The following COMMD10 variants were observed in gnomAD, a reference collection of about 807,000 sequenced individuals.
COMMD10 encodes the protein COMM domain-containing protein 10.
A neutral mutation model predicts 28.9 loss-of-function variants in COMMD10; 33 were observed. The observed-to-expected ratio is 1.14, with a 90% CI of 0.87 to 1.53. The LOEUF is 1.53. Among genes scored for constraint, COMMD10 ranks in the 40% most tolerant of loss-of-function variants. The pLI is 0.00. For synonymous variants in COMMD10, 110 were observed against 81.7 expected, an observed-to-expected ratio of 1.35 and a Z score of -1.87; for missense variants, 310 against 233.4, an observed-to-expected ratio of 1.33 and a Z score of -2.14.
intron 4 of COMMD10, among the ~76,000 whole-genome samples, chr5:116,126,524 ATAC>A (rs1751647907): frequency 6.6e-6 from 1 of 152,010 alleles, no homozygotes; most frequent in Non-Finnish European, 1.5e-5. Context: ...ACTTCAAACT[ATAC>A]TACAAGGCTA....
intron 5 of COMMD10, among the ~76,000 whole-genome samples, chr5:116,153,577 T>C (rs1474704555): frequency 6.6e-6 from 1 of 152,102 alleles, no homozygotes; most frequent in African/African-American, 2.4e-5. Flanking sequence ...CCAGGTATTG[T>C]TCTGTGGGCT....
intron 5 of COMMD10, among the ~76,000 whole-genome samples, chr5:116,158,026 T>G (rs1752779327): frequency 6.6e-6 from 1 of 151,842 alleles, no homozygotes; most frequent in Admixed American, 6.6e-5. Context: ...TGTTACCTTT[T>G]GGGCTGCCAT....
At chr5:116,231,342 A>G (rs570256481) in intron 5 of COMMD10, among the ~76,000 whole-genome samples, 3 of 152,316 alleles carry the variant, frequency 2.0e-5, no homozygotes, top group South Asian at 2.1e-4. Flanking sequence ...GACTGATTCT[A>G]TTTATAAAAG....
intron 2 of COMMD10, among the ~76,000 whole-genome samples, chr5:116,089,136 G>A (rs1284699212): frequency 6.6e-6 from 1 of 152,204 alleles, no homozygotes; most frequent in Admixed American, 6.5e-5. Context: ...TGTTCATAAA[G>A]TTACATTGGC....
intron 5 of COMMD10, among the ~76,000 whole-genome samples, chr5:116,193,037 C>A (rs1038667278): frequency 6.6e-6 from 1 of 152,168 alleles, no homozygotes; most frequent in Non-Finnish European, 1.5e-5. Context: ...AATTATCAGC[C>A]AAGAATTTTG....
chr5:116,279,378 T>C (rs1751008159), intron 5 of COMMD10, among the ~76,000 whole-genome samples: 1 of 151,912 alleles, frequency 6.6e-6, no homozygotes, highest in Admixed American at 6.6e-5. Flanking sequence ...ACTGGGAAAA[T>C]GCCTTTTGTT....
intron 5 of COMMD10, among the ~76,000 whole-genome samples, chr5:116,280,937 C>G (rs1022224135): frequency 6.6e-6 from 1 of 151,764 alleles, no homozygotes; most frequent in Non-Finnish European, 1.5e-5. Context: ...ATTTCTGTAA[C>G]TAAGAAGAAA....
chr5:116,147,896 A>C (rs1752397531), intron 5 of COMMD10, among the ~76,000 whole-genome samples: 1 of 151,854 alleles, frequency 6.6e-6, no homozygotes, highest in South Asian at 2.1e-4. Context: ...TGTCCATTGT[A>C]AACTAGTTGT....
At chr5:116,182,244 G>A (rs1297414724) in intron 5 of COMMD10, among the ~76,000 whole-genome samples, 1 of 152,006 alleles carries the variant, frequency 6.6e-6, no homozygotes, top group Non-Finnish European at 1.5e-5. Context: ...TTTACTCTAA[G>A]AACTGATAGT....
chr5:116,085,300 T>C (rs1194883067), intron 1 of COMMD10: 1 of 573,468 alleles, frequency 1.7e-6, no homozygotes, highest in Non-Finnish European at 3.1e-6. Flanking sequence ...GTGGTCCACC[T>C]GTGGGGCTCA....
chr5:116,090,991 C>T, intron 2 of COMMD10, 88 bp from the exon 3 acceptor site: 1 of 707,792 alleles, frequency 1.4e-6, no homozygotes. Context: ...GTTCTCATCT[C>T]ATATACGAAT....
intron 5 of COMMD10, among the ~76,000 whole-genome samples, chr5:116,251,179 A>G (rs1383028723): frequency 6.6e-6 from 1 of 151,726 alleles, no homozygotes; most frequent in Non-Finnish European, 1.5e-5. Flanking sequence ...TGATTTTTCC[A>G]TTATGTTCTT....
intron 4 of COMMD10, among the ~76,000 whole-genome samples, chr5:116,125,926 A>T (rs930723055): frequency 6.6e-6 from 1 of 152,162 alleles, no homozygotes; most frequent in Non-Finnish European, 1.5e-5. Flanking sequence ...AGTTCTGGCC[A>T]GGCCAAGCAG....
At chr5:116,170,474 A>C (rs56324813) in intron 5 of COMMD10, among the ~76,000 whole-genome samples, 30,443 of 152,126 alleles carry the variant, frequency 0.2, 5,009 homozygotes, top group African/African-American at 0.46. Context: ...TCACAGAATT[A>C]GAGGAAACTA....
intron 5 of COMMD10, among the ~76,000 whole-genome samples, chr5:116,192,487 C>G (rs114999412): frequency 0.029 from 4,387 of 152,122 alleles, 106 homozygotes; most frequent in East Asian, 0.14. Flanking sequence ...ATAAAAAATT[C>G]AGGAAACTTT....
chr5:116,105,581 C>A (rs1750810825), intron 4 of COMMD10, among the ~76,000 whole-genome samples: 1 of 152,172 alleles, frequency 6.6e-6, no homozygotes, highest in Non-Finnish European at 1.5e-5. Flanking sequence ...GTCATTCTGT[C>A]TAGTCTGGGA....
chr5:116,270,182 A>T (rs7718026), intron 5 of COMMD10, among the ~76,000 whole-genome samples: 16,918 of 151,814 alleles, frequency 0.11, 1,586 homozygotes, highest in African/African-American at 0.23. Context: ...AGGAGATGGG[A>T]TGAATGGCAG....
chr5:116,264,656 T>G (rs1299675154), intron 5 of COMMD10, among the ~76,000 whole-genome samples: 1 of 151,920 alleles, frequency 6.6e-6, no homozygotes, highest in Non-Finnish European at 1.5e-5. Context: ...GACTGTTAGG[T>G]CTGAGCACTG....
At chr5:116,278,169 T>C (rs1750970158) in intron 5 of COMMD10, among the ~76,000 whole-genome samples, 2 of 151,746 alleles carry the variant, frequency 1.3e-5, no homozygotes, top group Admixed American at 6.6e-5. Flanking sequence ...CTTAGAAAAA[T>C]ATACCATTAC....
Sources: gnomAD v4.1 joint callset for allele counts (sites outside exome capture counted in the v4.1 genomes callset) on GRCh38, gnomAD v4.1.1 for gene constraint, MANE v1.5 for transcripts, NCBI Gene and HGNC (gene_info 2026-07-23, HGNC 2026-07-21) for gene names.